The following NOP2 variants were observed in gnomAD, a reference collection of about 807,000 sequenced individuals.
NOP2 encodes NOP2 nucleolar protein, also known as 28S rRNA (cytosine(4447)-C(5))-methyltransferase.
Under a neutral mutation model 72.7 loss-of-function variants are expected in NOP2, and 7 were observed. That is an observed-to-expected ratio of 0.10 (90% CI 0.05 to 0.18). NOP2 has a LOEUF of 0.18. Among genes scored for constraint, NOP2 ranks in the 10% least tolerant of loss-of-function variants. The pLI is 1.00. For synonymous variants in NOP2, 387 were observed against 388.0 expected, an observed-to-expected ratio of 1.00 and a Z score of 0.03; for missense variants, 954 against 1,014.7, an observed-to-expected ratio of 0.94 and a Z score of 0.81.
intron 5 of NOP2, chr12:6,564,285 A>AAC (rs1329134813): frequency 3.9e-6 from 1 of 259,356 alleles, no homozygotes; most frequent in South Asian, 3.8e-5. Context: ...CAAAAAAAAA[A>AAC]AAAAAAAACC....
chr12:6,564,255 AAC>A, intron 5 of NOP2: 5 of 299,518 alleles, frequency 1.7e-5, no homozygotes, highest in South Asian at 6.6e-5. Flanking sequence ...CAGCCTGGGC[AAC>A]AGAGAAAGAC....
rs1404205551 is a variant in NOP2, at chr12:6,560,008, T to C, written c.1789+90A>G. On this transcript the variant is annotated intron_variant, in intron 15 of 15. Transcript: ENST00000322166. The surrounding 1 kb of genome is among the most constrained non-coding windows in gnomAD (Gnocchi z 5.0). ...GCTGGAGTAAGGGATGCATGAATCTTTCCTTTCCCTTCCTCTTGTCACACC... is the reference window on the plus strand; with the variant it reads ...GCTGGAGTAAGGGATGCATGAATCTCTCCTTTCCCTTCCTCTTGTCACACC... The C allele has an allele frequency of 2.1e-6, 2 of 947,770 alleles. No individual in the cohort carries two copies. Among genetic ancestry groups the C allele is most frequent in the East Asian group, 4.9e-5 (2 of 40,548 alleles). The allele number at this position is 947,770 out of a possible 1,614,324, so 58.7% of individuals were successfully genotyped here.
At chr12:6,561,116 T>G (rs774849945) in intron 11 of NOP2, 46 bp from the exon 12 acceptor site, 4 of 1,603,436 alleles carry the variant, frequency 2.5e-6, no homozygotes, top group Non-Finnish European at 3.4e-6. Flanking sequence ...TTCCACTGTC[T>G]CCACACTTGC....
Position 6,561,772 on chromosome 12 carries a change from T to C in NOP2, c.1099A>G (p.Met367Val). ...ATPEYLAGHY[M>V]LQGASSMLPV... ...AACATGCTGGAGGCTCCCTGCAGCATGTAGTGCCCAGCCAGGTACTCGGGG... is the reference window on the plus strand; with the variant it reads ...AACATGCTGGAGGCTCCCTGCAGCACGTAGTGCCCAGCCAGGTACTCGGGG... The change falls in exon 11 of 16, where the codon ATG (methionine) becomes GTG (valine). Residue 367 changes from methionine (M) to valine (V), a missense_variant. Physicochemically the swap from Met to Val is conservative, Grantham distance 21. Transcript: ENST00000322166. The C allele has an allele frequency of 2.5e-6, 4 of 1,611,378 alleles. No individual in the cohort carries two copies. Among genetic ancestry groups the C allele is most frequent in the East Asian group, 2.2e-5 (1 of 44,800 alleles).
intron 15 of NOP2, among the ~76,000 whole-genome samples, chr12:6,559,361 C>T (rs1021726623): frequency 1.3e-5 from 2 of 152,126 alleles, no homozygotes; most frequent in Admixed American, 1.3e-4. Flanking sequence ...CCTCGTGATC[C>T]ACCCGTCTTG....
Position 6,566,536 on chromosome 12 carries a change from T to A in NOP2, c.231A>T (p.Leu77=). 1 of 1,613,960 alleles carries A rather than the reference T, an allele frequency of 6.2e-7. No individual in the cohort carries two copies. Among genetic ancestry groups the A allele is most frequent in the Non-Finnish European group, 8.5e-7 (1 of 1,179,854 alleles). The change falls in exon 4 of 16, where the codon CTA becomes CTT. Residue 77 remains leucine (L), a synonymous_variant. Coordinates refer to ENST00000322166, the MANE Select transcript of NOP2 (RefSeq NM_001258308.2). ...SPEAKPLPGK[L]PKGISAGAVQ... ...GCTCTTAGTTTCACGGACCTTTTGG[T>A]AGCTTTCCAGGCAATGGTTTGGCCT...
In NOP2 at chr12:6,560,189, G is replaced by A. The variant is rs1364710206; in HGVS notation, c.1698C>T (p.Thr566=). Residue 566 remains threonine (T), a synonymous_variant, in exon 15 of 16, where the codon ACC becomes ACT. Coordinates refer to ENST00000322166, the MANE Select transcript of NOP2 (RefSeq NM_001258308.2). The surrounding 1 kb of genome is among the most constrained non-coding windows in gnomAD (Gnocchi z 5.0). ...TGTGGGTATGAGGGTAGAAGCGTCG[G>A]GTAGAACGCAGACTGGGGTGGAAGC... ...ERRFHPSLRS[T]RRFYPHTHNM... 2.4e-5 allele frequency: 39 copies of A among 1,613,982 alleles called. No individual in the cohort carries two copies. The highest frequency in any genetic ancestry group is 3.1e-5 in the Non-Finnish European group (36 of 1,179,888).
chr12:6,559,379 A>G (rs973851563), intron 15 of NOP2, among the ~76,000 whole-genome samples: 28 of 152,172 alleles, frequency 1.8e-4, no homozygotes, highest in Non-Finnish European at 4.4e-5. Flanking sequence ...TTGGCCTCCC[A>G]AAGTGCTGGG....
In NOP2 at chr12:6,563,953, A is replaced by G. The variant is rs1947714105; in HGVS notation, c.475-7T>C. 6.2e-7 allele frequency: 1 copy of G among 1,612,986 alleles called. No homozygotes were observed. The highest frequency in any genetic ancestry group is 1.7e-5 in the Admixed American group (1 of 59,878). On this transcript the variant is annotated splice_polypyrimidine_tract_variant and splice_region_variant and intron_variant, in intron 5 of 15. Coordinates refer to ENST00000322166, the MANE Select transcript of NOP2 (RefSeq NM_001258308.2). ...CTCTTTCAATGGGCAGCAACTGAAGAGAGACAAGGGCTATTAATACAGGCC... is the reference window on the plus strand; with the variant it reads ...CTCTTTCAATGGGCAGCAACTGAAGGGAGACAAGGGCTATTAATACAGGCC...
At position 6,560,945 on chromosome 12, in the gene NOP2, G is replaced by A. The variant is rs749232742; in HGVS notation, c.1333C>T (p.Arg445Cys). Reference protein sequence around the residue: ...TNTIISHYDGRQFPKVVGGFD... With the variant: ...TNTIISHYDGCQFPKVVGGFD... ...TCGAGTCTCACCTTGGGGAACTGGC[G>A]CCCATCATAGTGGCTGATAATGGTG... Residue 445 changes from arginine to cysteine, a missense_variant, in exon 12 of 16, where the codon CGC (arginine) becomes TGC (cysteine). This residue lies in a region of NOP2 where 187 missense variants were observed against 276.2 expected (regional missense o/e 0.68). Transcript: ENST00000322166. This position sits in a 1 kb window ranked among gnomAD's most constrained non-coding sequence, Gnocchi z 5.0. 2.9e-5 allele frequency: 47 copies of A among 1,613,702 alleles called. No homozygotes were observed. The highest frequency in any genetic ancestry group is 3.3e-5 in the Non-Finnish European group (39 of 1,179,850).
At position 6,561,645 on chromosome 12, in the gene NOP2, C is replaced by G; in HGVS notation, c.1207+19G>C. 1 of 1,610,544 alleles carries G rather than the reference C, an allele frequency of 6.2e-7. No homozygotes were observed. The highest frequency in any genetic ancestry group is 8.5e-7 in the Non-Finnish European group (1 of 1,177,412). On this transcript the variant is annotated intron_variant, in intron 11 of 15. Coordinates refer to ENST00000322166, the MANE Select transcript of NOP2 (RefSeq NM_001258308.2). The stretch of plus-strand genomic sequence containing the variant: ...AGCAAGACAGCCCGATGAATCCCAC[C>G]TGCCTGCCCCTCTCATACCCATGTA...
Position 6,558,140 on chromosome 12 carries a change from C to CAAAAAA in NOP2, c.1790-504_1790-499dup, listed in dbSNP as rs1186896591. Reference sequence around the variant, plus strand: ...TGAGCGACAAAGCAAGACACCGTCTCAAAAAAAAAAAAAAAAAAAAAAAAA... The same window carrying CAAAAAA: ...TGAGCGACAAAGCAAGACACCGTCTCAAAAAAAAAAAAAAAAAAAAAAAAAAAAAAA... On this transcript the variant is annotated intron_variant, in intron 15 of 15. Coordinates refer to ENST00000322166, the MANE Select transcript of NOP2 (RefSeq NM_001258308.2). The CAAAAAA allele has an allele frequency of 6.2e-3, 1,088 of 174,812 alleles. 48 individuals carry two copies. In the East Asian group the frequency reaches 0.07, roughly 11 times the overall value. 10.8% of individuals were successfully genotyped at this position (174,812 alleles called of 1,614,324 possible). A position where few individuals can be genotyped will look rare whatever the true frequency, so the allele number is the denominator to read the frequency against.
At chr12:6,559,039 C>T (rs1947579192) in intron 15 of NOP2, among the ~76,000 whole-genome samples, 1 of 152,096 alleles carries the variant, frequency 6.6e-6, no homozygotes, top group Admixed American at 6.6e-5. Context: ...CTTACTGCAA[C>T]CTCCACCTCC....
In NOP2 at chr12:6,557,215, G is replaced by A. The variant is rs189365708; in HGVS notation, c.2217C>T (p.Thr739=). The change falls in exon 16 of 16, where the codon ACC becomes ACT. Residue 739 remains threonine (T), a synonymous_variant. Coordinates refer to ENST00000322166, the MANE Select transcript of NOP2 (RefSeq NM_001258308.2). ...AVLSPSKTQA[T]LKPKDHHQPL... Reference sequence around the variant, plus strand: ...GCTGATGATGGTCCTTAGGTTTCAGGGTGGCCTGAGTCTTGGATGGGGATA... The same window carrying A: ...GCTGATGATGGTCCTTAGGTTTCAGAGTGGCCTGAGTCTTGGATGGGGATA... The A allele has an allele frequency of 7.4e-6, 12 of 1,614,034 alleles. No homozygotes were observed. The East Asian group carries it at 2.5e-4, about 33-fold the overall frequency.
intron 11 of NOP2, 77 bp downstream of exon 11, chr12:6,561,587 T>TCAGCAACCC (rs1350132059): frequency 1.9e-6 from 3 of 1,568,730 alleles, no homozygotes; most frequent in African/African-American, 2.7e-5. Flanking sequence ...CACTAGTGAG[T>TCAGCAACCC]CAGCAACCCC....
At position 6,567,819 on chromosome 12, in the gene NOP2, C is replaced by T; in HGVS notation, c.100G>A (p.Ala34Thr). The T allele has an allele frequency of 6.2e-7, 1 of 1,613,604 alleles. No individual in the cohort carries two copies. Among genetic ancestry groups the T allele is most frequent in the Non-Finnish European group, 8.5e-7 (1 of 1,179,510 alleles). Reference sequence around the variant, plus strand: ...GGAGGCCACAACTAATCCTTACCTGCAGGCAAGAATCTGACGAGTTCTGTC... The same window carrying T: ...GGAGGCCACAACTAATCCTTACCTGTAGGCAAGAATCTGACGAGTTCTGTC... ...AETELVRFLPAVSDENSKRLS... is the reference protein window; with the variant it reads ...AETELVRFLPTVSDENSKRLS... Residue 34 changes from alanine to threonine, a missense_variant, in exon 2 of 16, where the codon GCA (alanine) becomes ACA (threonine). By Grantham distance (58) the Ala-to-Thr change is moderately conservative. Coordinates refer to ENST00000322166, the MANE Select transcript of NOP2 (RefSeq NM_001258308.2).
At chr12:6,567,530 C>G in intron 2 of NOP2, 1 of 311,966 alleles carries the variant, frequency 3.2e-6, no homozygotes, top group Non-Finnish European at 5.9e-6. Flanking sequence ...CCCAGCTTAA[C>G]AAAAACTTTT....
At position 6,566,306 on chromosome 12, in the gene NOP2, C is replaced by A; in HGVS notation, c.269G>T (p.Gly90Val). 2 of 1,613,816 alleles carry A rather than the reference C, an allele frequency of 1.2e-6. No homozygotes were observed. The highest frequency in any genetic ancestry group is 1.7e-6 in the Non-Finnish European group (2 of 1,179,828). ...GISAGAVQTA[G>V]KKGPQSLFNA... ...AAATAGGGACTGGGGTCCCTTCTTA[C>A]CAGCTGTCTGGACAGCTCCTGCAGA... The change falls in exon 5 of 16, where the codon GGT becomes GTT. Residue 90 changes from glycine to valine, a missense_variant. Coordinates refer to ENST00000322166, the MANE Select transcript of NOP2 (RefSeq NM_001258308.2).
At chr12:6,565,583 G>A (rs926734243) in intron 5 of NOP2, among the ~76,000 whole-genome samples, 2 of 151,936 alleles carry the variant, frequency 1.3e-5, no homozygotes, top group Admixed American at 6.6e-5. Context: ...CAGGTGATCC[G>A]CCCACCTTGG....
Sources: allele counts gnomAD v4.1 joint callset (sites outside exome capture counted in the v4.1 genomes callset), GRCh38; gene constraint gnomAD v4.1.1; regional missense constraint gnomAD v4.1.1; non-coding constraint Gnocchi (gnomAD v3.1); transcripts MANE v1.5; gene names NCBI Gene and HGNC (gene_info 2026-07-23, HGNC 2026-07-21).